The following DGCR8 variants were observed in gnomAD, a reference collection of about 807,000 sequenced individuals.
DGCR8 encodes microprocessor complex subunit DGCR8.
In DGCR8, 14 loss-of-function variants were observed where a neutral mutation model predicts 78.5. The ratio of observed to expected loss-of-function variants is 0.18; its 90% CI spans 0.12 to 0.28. DGCR8 has a LOEUF of 0.28. Among genes scored for constraint, DGCR8 ranks in the 10% least tolerant of loss-of-function variants. The pLI, the probability that DGCR8 is intolerant of heterozygous loss-of-function variation, is 1.00. For synonymous variants in DGCR8, 399 were observed against 402.4 expected (o/e 0.99, Z 0.10); for missense variants, 702 against 1,022.5 (o/e 0.69, Z 4.28).
chr22:20,111,751 G>T lies in DGCR8; in HGVS notation c.*1643G>T, dbSNP rs971863554. The stretch of plus-strand genomic sequence containing the variant: ...CGTCTGCCAAGCATGGGTATGAATC[G>T]TGCACACAGCCATGCTTCAAGGCCG... On this transcript the variant is annotated 3_prime_UTR_variant, in exon 14 of 14. Transcript: ENST00000351989. The T allele has an allele frequency of 8.4e-6, 2 of 238,002 alleles. No individual in the cohort carries two copies. Among genetic ancestry groups the T allele is most frequent in the African/African-American group, 5.3e-5 (2 of 37,670 alleles). The allele number at this position is 238,002 out of a possible 1,614,324, so 14.7% of individuals were successfully genotyped here. A position where few individuals can be genotyped will look rare whatever the true frequency, so the allele number is the denominator to read the frequency against.
At chr22:20,103,126 G>A (rs368362237) in intron 9 of DGCR8, among the ~76,000 whole-genome samples, 1 of 148,070 alleles carries the variant, frequency 6.8e-6, no homozygotes, top group African/African-American at 2.5e-5. Context: ...CAACAAGAGC[G>A]AAACCCCATC....
At chr22:20,109,921 G>A in intron 13 of DGCR8, 104 bp from the exon 14 acceptor site, 3 of 1,142,840 alleles carry the variant, frequency 2.6e-6, no homozygotes, top group South Asian at 2.7e-5. Flanking sequence ...TGGGGCTCCA[G>A]GGCCTCCTGG....
At chr22:20,094,904 C>A in intron 9 of DGCR8, 109 bp downstream of exon 9, 1 of 897,908 alleles carries the variant, frequency 1.1e-6, no homozygotes, top group South Asian at 1.5e-5. Flanking sequence ...CCTTCCATGC[C>A]CTGTAGGTTA....
At chr22:20,103,209 C>T (rs544723809) in intron 9 of DGCR8, among the ~76,000 whole-genome samples, 33 of 151,972 alleles carry the variant, frequency 2.2e-4, no homozygotes, top group Non-Finnish European at 3.2e-4. Context: ...GGAGAATGGA[C>T]ATCCTAACAA....
chr22:20,102,831 A>T (rs1214351005), intron 9 of DGCR8, among the ~76,000 whole-genome samples: 1 of 152,154 alleles, frequency 6.6e-6, no homozygotes, highest in African/African-American at 2.4e-5. Flanking sequence ...ACAATATGTC[A>T]GTTTCTATAA....
chr22:20,091,777 G>A (rs560417544), intron 6 of DGCR8, 92 bp from the exon 7 acceptor site: 36 of 1,487,108 alleles, frequency 2.4e-5, no homozygotes, highest in South Asian at 8.0e-5. Context: ...ATTCACGGTC[G>A]TGAGCCCCTA....
chr22:20,111,437 CTG>C lies in DGCR8; in HGVS notation c.*1334_*1335del. The C allele has an allele frequency of 2.5e-6, 1 of 398,164 alleles. No homozygotes were observed. Among genetic ancestry groups the C allele is most frequent in the South Asian group, 1.3e-4 (1 of 7,806 alleles). The allele number at this position is 398,164 out of a possible 1,614,324, so 24.7% of individuals were successfully genotyped here. On this transcript the variant is annotated 3_prime_UTR_variant, in exon 14 of 14. Transcript: ENST00000351989. ...CCACAACATATCCTTCCCTCACTACCTGTGTGACCAAGGTTGGCTTCTGTTGA... is the reference window on the plus strand; with the variant it reads ...CCACAACATATCCTTCCCTCACTACCTGTGACCAAGGTTGGCTTCTGTTGA...
intron 9 of DGCR8, chr22:20,101,273 A>G (rs1357681764): frequency 1.4e-4 from 136 of 985,124 alleles, no homozygotes; most frequent in Non-Finnish European, 1.6e-4. Context: ...TGACCCTCTT[A>G]TTTGTATATA....
intron 9 of DGCR8, among the ~76,000 whole-genome samples, chr22:20,097,600 A>C (rs2049643346): frequency 6.6e-6 from 1 of 152,104 alleles, no homozygotes; most frequent in Non-Finnish European, 1.5e-5. Context: ...TTGATGATAC[A>C]TCACAGGTCT....
In DGCR8 at chr22:20,086,217, T is replaced by G. The variant is rs1235154962; in HGVS notation, c.254T>G (p.Leu85Arg). 3 of 1,614,112 alleles carry G rather than the reference T, an allele frequency of 1.9e-6. No homozygotes were observed. Among genetic ancestry groups the G allele is most frequent in the East Asian group, 2.2e-5 (1 of 44,866 alleles). ...AAAGGATCCTTCTCTAAGGGCCGCC[T>G]CCTCATAGACCCGAACTGTAGTGGC... ...LSKGSFSKGR[L>R]LIDPNCSGHS... is the part of the protein sequence containing the mutation. Residue 85 changes from leucine (L) to arginine (R), a missense_variant, in exon 2 of 14, where the codon CTC (leucine) becomes CGC (arginine). Coordinates refer to ENST00000351989, the MANE Select transcript of DGCR8 (RefSeq NM_022720.7). This position sits in a 1 kb window ranked among gnomAD's most constrained non-coding sequence, Gnocchi z 6.4.
chr22:20,106,063 A>T, intron 9 of DGCR8, 114 bp from the exon 10 acceptor site: 1 of 764,166 alleles, frequency 1.3e-6, no homozygotes, highest in Non-Finnish European at 2.3e-6. Context: ...ATGAAGTGCT[A>T]GGCGAGCTCA....
At chr22:20,096,833 A>G (rs529815177) in intron 9 of DGCR8, among the ~76,000 whole-genome samples, 3 of 152,204 alleles carry the variant, frequency 2.0e-5, no homozygotes, top group Non-Finnish European at 4.4e-5. Flanking sequence ...TTTTATCAGA[A>G]TAAGGAAATT....
rs575559277 is a variant in DGCR8 at position 20,092,455 on chromosome 22, G to A, written c.1607-354G>A. ...GGGGTCACTCATCCTTTGAGGTGGT[G>A]TTTCTTTGGCAAGCCACATCTTGTG... is the stretch of plus-strand genomic sequence containing the variant. On this transcript the variant is annotated intron_variant, in intron 7 of 13. Transcript: ENST00000351989. Among the ~76,000 whole-genome samples the A allele has an allele frequency of 1.9e-3, 285 of 152,312 alleles. 2 individuals carry two copies. Among genetic ancestry groups the A allele is most frequent in the African/African-American group, 6.4e-3 (268 of 41,558 alleles).
chr22:20,102,085 T>C (rs1242744536), intron 9 of DGCR8: 23 of 983,092 alleles, frequency 2.3e-5, no homozygotes, highest in Non-Finnish European at 2.8e-5. Context: ...GTTTTCTTTT[T>C]TTTTTTTCAT....
Position 20,085,711 on chromosome 22 carries a change from G to A in DGCR8, c.-253G>A, listed in dbSNP as rs565463585. ...GGTAGAAGAAGAAAGGTGCCACTCCGGCATGAAGACAGACTCGCTTAGTCG... is the reference window on the plus strand; with the variant it reads ...GGTAGAAGAAGAAAGGTGCCACTCCAGCATGAAGACAGACTCGCTTAGTCG... On this transcript the variant is annotated 5_prime_UTR_variant, in exon 2 of 14. Coordinates refer to ENST00000351989, the MANE Select transcript of DGCR8 (RefSeq NM_022720.7). The surrounding 1 kb of genome is among the most constrained non-coding windows in gnomAD (Gnocchi z 6.2). 6 of 1,309,532 alleles carry A rather than the reference G, an allele frequency of 4.6e-6. No individual in the cohort carries two copies. The highest frequency in any genetic ancestry group is 2.6e-5 in the South Asian group (1 of 38,492). The allele number at this position is 1,309,532 out of a possible 1,614,324, so 81.1% of individuals were successfully genotyped here. A position where few individuals can be genotyped will look rare whatever the true frequency, so the allele number is the denominator to read the frequency against.
At chr22:20,091,108 TGGCATTCG>T (rs1020087353) in intron 5 of DGCR8, among the ~76,000 whole-genome samples, 1 of 152,252 alleles carries the variant, frequency 6.6e-6, no homozygotes, top group Non-Finnish European at 1.5e-5. Flanking sequence ...CGGGTGCTGC[TGGCATTCG>T]GGCACCTGTT....
rs775161177 is a variant in DGCR8, at chr22:20,086,200, C to T, written c.237C>T (p.Ser79=). ...FYGASLLSKG[S]FSKGRLLIDP... ...GAGCTTCTCTTCTCTCCAAAGGATC[C>T]TTCTCTAAGGGCCGCCTCCTCATAG... The change falls in exon 2 of 14, where the codon TCC becomes TCT. Residue 79 remains serine (S), a synonymous_variant. Transcript: ENST00000351989. This position sits in a 1 kb window ranked among gnomAD's most constrained non-coding sequence, Gnocchi z 6.4. The T allele has an allele frequency of 3.1e-6, 5 of 1,614,178 alleles. No individual in the cohort carries two copies. In the Admixed American group the frequency reaches 5.0e-5, roughly 16 times the overall value.
At position 20,104,937 on chromosome 22, in the gene DGCR8, G is replaced by A. The variant is rs539988455; in HGVS notation, c.1789-1240G>A. On this transcript the variant is annotated intron_variant, in intron 9 of 13. Transcript: ENST00000351989. ...CACTGTGGAGCCTGCACAGCGAGGCGTGTGAATCATTTGATTCTAGGTTTC... is the reference window on the plus strand; with the variant it reads ...CACTGTGGAGCCTGCACAGCGAGGCATGTGAATCATTTGATTCTAGGTTTC... Among the ~76,000 whole-genome samples, 14 of 152,316 alleles carry A rather than the reference G, an allele frequency of 9.2e-5. No individual in the cohort carries two copies. In the South Asian group the frequency reaches 2.3e-3, roughly 25 times the overall value.
Position 20,092,841 on chromosome 22 carries a change from A to G in DGCR8, c.1639A>G (p.Thr547Ala). ...NPSEPFGASV[T>A]IDGVTYGSGT... Reference sequence around the variant, plus strand: ...AAGTGAGCCTTTTGGTGCCTCGGTGACCATTGATGGTGTGACTTACGGATC... The same window carrying G: ...AAGTGAGCCTTTTGGTGCCTCGGTGGCCATTGATGGTGTGACTTACGGATC... The change falls in exon 8 of 14, where the codon ACC becomes GCC. Residue 547 changes from threonine (T) to alanine (A), a missense_variant. Coordinates refer to ENST00000351989, the MANE Select transcript of DGCR8 (RefSeq NM_022720.7). 1 of 1,613,762 alleles carries G rather than the reference A, an allele frequency of 6.2e-7. No homozygotes were observed. The highest frequency in any genetic ancestry group is 8.5e-7 in the Non-Finnish European group (1 of 1,179,812).
Sources: allele counts gnomAD v4.1 joint callset (sites outside exome capture counted in the v4.1 genomes callset), GRCh38; gene constraint gnomAD v4.1.1; non-coding constraint Gnocchi (gnomAD v3.1); transcripts MANE v1.5; gene names NCBI Gene and HGNC (gene_info 2026-07-23, HGNC 2026-07-21).